ADAMTS12: variants seen among roughly 807,000 people sequenced by gnomAD.
The protein encoded by ADAMTS12 is A disintegrin and metalloproteinase with thrombospondin motifs 12.
Under a neutral mutation model 167.8 loss-of-function variants are expected in ADAMTS12, and 118 were observed. That is an observed-to-expected ratio of 0.70 (90% CI 0.61 to 0.82). ADAMTS12 has a LOEUF of 0.82. Among genes scored for constraint, ADAMTS12 ranks in the 40% least tolerant of loss-of-function variants. The pLI is 0.00. For missense variants in ADAMTS12, 1,916 were observed against 1,998.8 expected, an observed-to-expected ratio of 0.96 and a Z score of 0.79; for synonymous variants, 704 against 716.9, an observed-to-expected ratio of 0.98 and a Z score of 0.29.
At chr5:33,739,167 A>G (rs1312719958) in intron 3 of ADAMTS12, among the ~76,000 whole-genome samples, 1 of 152,208 alleles carries the variant, frequency 6.6e-6, no homozygotes, top group African/African-American at 2.4e-5. Context: ...CAGCTGAGCA[A>G]GCCATCTTTA....
At chr5:33,666,816 T>A (rs1388860478) in intron 5 of ADAMTS12, among the ~76,000 whole-genome samples, 1 of 152,180 alleles carries the variant, frequency 6.6e-6, no homozygotes, top group Non-Finnish European at 1.5e-5. Context: ...TTTAAGGATA[T>A]GCTTAAATTA....
chr5:33,700,889 C>G (rs1329760524), intron 3 of ADAMTS12, among the ~76,000 whole-genome samples: 1 of 152,048 alleles, frequency 6.6e-6, no homozygotes, highest in African/African-American at 2.4e-5. Flanking sequence ...AAGTATATGT[C>G]TAGGCTCACA....
chr5:33,685,017 G>A (rs1185402877), intron 3 of ADAMTS12, among the ~76,000 whole-genome samples: 4 of 152,206 alleles, frequency 2.6e-5, no homozygotes, highest in Non-Finnish European at 2.9e-5. Flanking sequence ...TTAGGGAGCC[G>A]AGGAAGACAG....
At chr5:33,546,346 C>A (rs1282891724) in intron 21 of ADAMTS12, 144 bp from the exon 22 acceptor site, 4 of 655,694 alleles carry the variant, frequency 6.1e-6, no homozygotes, top group Non-Finnish European at 6.5e-6. Context: ...AGCATTCCTG[C>A]AAATTCCTTA....
chr5:33,800,225 T>C (rs1342534418), intron 2 of ADAMTS12, among the ~76,000 whole-genome samples: 3 of 152,204 alleles, frequency 2.0e-5, no homozygotes, highest in Non-Finnish European at 2.9e-5. Flanking sequence ...GATGTTAAGT[T>C]CAAGGCACCA....
intron 21 of ADAMTS12, among the ~76,000 whole-genome samples, chr5:33,546,642 AATGG>A (rs1359119294): frequency 6.6e-6 from 1 of 152,220 alleles, no homozygotes; most frequent in Non-Finnish European, 1.5e-5. Flanking sequence ...GGAGTAATAA[AATGG>A]ATGGATTTGC....
intron 17 of ADAMTS12, among the ~76,000 whole-genome samples, chr5:33,594,772 C>G (rs1250185014): frequency 6.6e-6 from 1 of 152,208 alleles, no homozygotes; most frequent in Non-Finnish European, 1.5e-5. Context: ...AAACCTCTCT[C>G]TCTGAGCTGA....
chr5:33,550,426 T>C (rs1346629461), intron 20 of ADAMTS12, among the ~76,000 whole-genome samples: 5 of 152,210 alleles, frequency 3.3e-5, no homozygotes, highest in Non-Finnish European at 7.3e-5. Context: ...CTGACCAGTC[T>C]TGTTACTGCC....
At chr5:33,548,313 T>G (rs1319115651) in intron 21 of ADAMTS12, among the ~76,000 whole-genome samples, 3 of 152,240 alleles carry the variant, frequency 2.0e-5, no homozygotes, top group African/African-American at 7.2e-5. Context: ...GAATGCCTTA[T>G]GTTTGAATTA....
intron 20 of ADAMTS12, among the ~76,000 whole-genome samples, chr5:33,557,394 A>G (rs1561123951): frequency 6.6e-6 from 1 of 152,206 alleles, no homozygotes; most frequent in African/African-American, 2.4e-5. Context: ...CTGGATTTTG[A>G]AGGTCTGCCA....
intron 20 of ADAMTS12, among the ~76,000 whole-genome samples, chr5:33,554,990 G>A (rs1745425671): frequency 6.6e-6 from 1 of 152,148 alleles, no homozygotes; most frequent in Non-Finnish European, 1.5e-5. Flanking sequence ...AAATCTTTCT[G>A]ATTCACTTCA....
intron 16 of ADAMTS12, among the ~76,000 whole-genome samples, chr5:33,611,053 A>G (rs764394785): frequency 2.0e-5 from 3 of 152,200 alleles, no homozygotes; most frequent in Non-Finnish European, 2.9e-5. Flanking sequence ...TGACAGAAAA[A>G]AAAAGTACTA....
intron 3 of ADAMTS12, among the ~76,000 whole-genome samples, chr5:33,691,319 T>C (rs1742539971): frequency 6.6e-6 from 1 of 152,212 alleles, no homozygotes; most frequent in Non-Finnish European, 1.5e-5. Context: ...CCTAGTGTTC[T>C]GAGGAACATC....
intron 2 of ADAMTS12, among the ~76,000 whole-genome samples, chr5:33,810,736 T>C (rs1166034706): frequency 6.6e-6 from 1 of 152,194 alleles, no homozygotes; most frequent in Admixed American, 6.5e-5. Context: ...GGGAAAAGTC[T>C]TTCTTCTGCC....
chr5:33,606,210 A>C (rs568637329), intron 16 of ADAMTS12, among the ~76,000 whole-genome samples: 4 of 152,326 alleles, frequency 2.6e-5, no homozygotes, highest in African/African-American at 7.2e-5. Flanking sequence ...GTCCTCCCAA[A>C]GTGTTGGGAT....
intron 5 of ADAMTS12, among the ~76,000 whole-genome samples, chr5:33,668,673 G>C (rs547589317): frequency 2.0e-5 from 3 of 152,088 alleles, no homozygotes; most frequent in African/African-American, 7.2e-5. Flanking sequence ...CGGTAGAGAC[G>C]GGGTTTCACC....
At chr5:33,665,710 G>A (rs1030073005) in intron 5 of ADAMTS12, among the ~76,000 whole-genome samples, 1 of 152,084 alleles carries the variant, frequency 6.6e-6, no homozygotes, top group Non-Finnish European at 1.5e-5. Context: ...AGAGACTGAA[G>A]AAGAGACCCA....
chr5:33,736,838 G>C (rs560352164), intron 3 of ADAMTS12, among the ~76,000 whole-genome samples: 54 of 152,300 alleles, frequency 3.5e-4, no homozygotes, highest in African/African-American at 1.3e-3. Context: ...GATTCCTAGA[G>C]AGTTCTGCAA....
At chr5:33,708,313 A>G (rs1441020070) in intron 3 of ADAMTS12, among the ~76,000 whole-genome samples, 1 of 152,190 alleles carries the variant, frequency 6.6e-6, no homozygotes, top group Non-Finnish European at 1.5e-5. Flanking sequence ...ACCGGAGAGA[A>G]TGTGGAGAAT....
Sources: gnomAD v4.1 joint callset for allele counts (sites outside exome capture counted in the v4.1 genomes callset) on GRCh38, gnomAD v4.1.1 for gene constraint, MANE v1.5 for transcripts, NCBI Gene and HGNC (gene_info 2026-07-23, HGNC 2026-07-21) for gene names.